The following CPSF2 variants were observed in gnomAD, a reference collection of about 807,000 sequenced individuals.
CPSF2 encodes the protein cleavage and polyadenylation specific factor 2.
In CPSF2, 51 loss-of-function variants were observed where a neutral mutation model predicts 84.2. That is an observed-to-expected ratio of 0.61 (90% CI 0.48 to 0.77). CPSF2 has a LOEUF of 0.77. Among genes scored for constraint, CPSF2 ranks in the 30% least tolerant of loss-of-function variants. CPSF2 has a pLI of 0.00. For synonymous variants in CPSF2, 286 were observed against 311.9 expected (o/e 0.92, Z 0.87); for missense variants, 641 against 929.4 (o/e 0.69, Z 4.03).
At chr14:92,154,298 T>C in intron 9 of CPSF2, 60 bp from the exon 10 acceptor site, 3 of 1,225,128 alleles carry the variant, frequency 2.4e-6, no homozygotes, top group South Asian at 1.5e-5. Context: ...CATATCCCAC[T>C]GCTTTAACCC....
In CPSF2 at chr14:92,163,237, T is replaced by A. The variant is rs1225723838; in HGVS notation, c.*1493T>A. 1 of 152,210 alleles carries A rather than the reference T, an allele frequency of 6.6e-6. No individual in the cohort carries two copies. Among genetic ancestry groups the A allele is most frequent in the Non-Finnish European group, 1.5e-5 (1 of 68,038 alleles). 9.4% of individuals were successfully genotyped at this position (152,210 alleles called of 1,614,324 possible). A position where few individuals can be genotyped will look rare whatever the true frequency, so the allele number is the denominator to read the frequency against. On this transcript the variant is annotated 3_prime_UTR_variant, in exon 16 of 16. Transcript: ENST00000298875. ...GATTTTTGGAAGGATCGATCTTATT[T>A]AACTATGTGTGGAACAACCCAGTAA... is the stretch of plus-strand genomic sequence containing the variant.
chr14:92,156,055 C>T (rs1452244741), intron 11 of CPSF2, among the ~76,000 whole-genome samples: 6 of 152,048 alleles, frequency 3.9e-5, no homozygotes, highest in East Asian at 1.9e-4. Context: ...TTTGGGAGGC[C>T]GAGGCAGGTG....
At position 92,134,251 on chromosome 14, in the gene CPSF2, C is replaced by T; in HGVS notation, c.311C>T (p.Ser104Phe). 6.2e-7 allele frequency: 1 copy of T among 1,612,584 alleles called. No homozygotes were observed. The change falls in exon 5 of 16, where the codon TCT (serine) becomes TTT (phenylalanine). Residue 104 changes from serine (S) to phenylalanine (F), a missense_variant and splice_region_variant. By Grantham distance (155) the Ser-to-Phe change is radical. Coordinates refer to ENST00000298875, the MANE Select transcript of CPSF2 (RefSeq NM_017437.3). Reference protein sequence around the residue: ...GQMFMYDLYQSRHNTEDFTLF... With the variant: ...GQMFMYDLYQFRHNTEDFTLF... ...CCTTTATTTGTGTTATTCTTTTAGT[C>T]TCGACACAATACAGAAGATTTTACA... is the stretch of plus-strand genomic sequence containing the variant.
Position 92,164,886 on chromosome 14 carries a change from T to G in CPSF2, c.*3142T>G, listed in dbSNP as rs1567029653. On this transcript the variant is annotated 3_prime_UTR_variant, in exon 16 of 16. Transcript: ENST00000298875. ...ACCACTATATAATCCCAGAACACTT[T>G]CATCACTCCAAAAAGAAACACCATA... is the stretch of plus-strand genomic sequence containing the variant. The G allele has an allele frequency of 6.6e-6, 1 of 152,212 alleles. No homozygotes were observed. Among genetic ancestry groups the G allele is most frequent in the Admixed American group, 6.5e-5 (1 of 15,278 alleles). The allele number at this position is 152,212 out of a possible 1,614,324, so 9.4% of individuals were successfully genotyped here.
chr14:92,132,297 C>A (rs1182206375), intron 3 of CPSF2, among the ~76,000 whole-genome samples: 1 of 151,668 alleles, frequency 6.6e-6, no homozygotes, highest in Non-Finnish European at 1.5e-5. Context: ...ACCCGGCCGG[C>A]TAAGTTTTTG....
At chr14:92,141,232 C>T (rs961088853) in intron 7 of CPSF2, among the ~76,000 whole-genome samples, 1 of 151,716 alleles carries the variant, frequency 6.6e-6, no homozygotes, top group African/African-American at 2.4e-5. Flanking sequence ...TAAAAAAAAA[C>T]AGTGTAACAA....
Position 92,156,585 on chromosome 14 carries a change from G to C in CPSF2, c.1549G>C (p.Asp517His). 2 of 1,608,872 alleles carry C rather than the reference G, an allele frequency of 1.2e-6. No homozygotes were observed. Among genetic ancestry groups the C allele is most frequent in the Non-Finnish European group, 1.7e-6 (2 of 1,176,552 alleles). Reference sequence around the variant, plus strand: ...TGAACCTATGGATCAGGATTTATCTGATGTTCCTACTAAATGTATTTCTAC... The same window carrying C: ...TGAACCTATGGATCAGGATTTATCTCATGTTCCTACTAAATGTATTTCTAC... The part of the protein sequence containing the change: ...GDEPMDQDLS[D>H]VPTKCISTTE... Residue 517 changes from aspartate (D) to histidine (H), a missense_variant, in exon 12 of 16, where the codon GAT becomes CAT. This residue lies in a region of CPSF2 where 430 missense variants were observed against 553.6 expected (regional missense o/e 0.78). Transcript: ENST00000298875.
chr14:92,141,263 C>G (rs1463006938), intron 7 of CPSF2, among the ~76,000 whole-genome samples: 10 of 152,118 alleles, frequency 6.6e-5, no homozygotes, highest in African/African-American at 1.2e-4. Flanking sequence ...AGCATGTACA[C>G]TGTATTAGGT....
intron 7 of CPSF2, among the ~76,000 whole-genome samples, chr14:92,141,593 G>T (rs1362401107): frequency 1.3e-5 from 2 of 152,144 alleles, no homozygotes; most frequent in African/African-American, 4.8e-5. Flanking sequence ...TTCCCAAACT[G>T]CTGGGATTAC....
At chr14:92,146,633 A>T (rs895562589) in intron 9 of CPSF2, among the ~76,000 whole-genome samples, 2 of 152,206 alleles carry the variant, frequency 1.3e-5, no homozygotes, top group Non-Finnish European at 2.9e-5. Flanking sequence ...AAACTTTTTC[A>T]TGTAGCAAAA....
rs537750648 is a variant in CPSF2 at position 92,140,193 on chromosome 14, C to G, written c.661+1846C>G. On this transcript the variant is annotated intron_variant, in intron 7 of 15. Coordinates refer to ENST00000298875, the MANE Select transcript of CPSF2 (RefSeq NM_017437.3). ...GGTCTTGATCTCTTGACCTTGTGAT[C>G]CGCCCACCTCGGCCTCCCAAAGTGC... is the stretch of plus-strand genomic sequence containing the variant. 4.0e-3 allele frequency among the ~76,000 whole-genome samples: 612 copies of G among 151,846 alleles called. 4 individuals carry two copies. Among genetic ancestry groups the G allele is most frequent in the African/African-American group, 0.014 (590 of 41,402 alleles).
rs572824242 is a variant in CPSF2 at position 92,146,394 on chromosome 14, G to A, written c.1140+3100G>A. Among the ~76,000 whole-genome samples, 5 of 152,206 alleles carry A rather than the reference G, an allele frequency of 3.3e-5. No individual in the cohort carries two copies. The South Asian group carries it at 6.2e-4, about 19-fold the overall frequency. On this transcript the variant is annotated intron_variant, in intron 9 of 15. Transcript: ENST00000298875. Reference sequence around the variant, plus strand: ...AAATTAGCCTGGCGTGGTGGTGGGCGCCTGTAATCCCAGCTACTCGGGAGG... The same window carrying A: ...AAATTAGCCTGGCGTGGTGGTGGGCACCTGTAATCCCAGCTACTCGGGAGG...
chr14:92,155,632 T>C (rs2069279464), intron 11 of CPSF2, among the ~76,000 whole-genome samples: 1 of 152,064 alleles, frequency 6.6e-6, no homozygotes, highest in Non-Finnish European at 1.5e-5. Flanking sequence ...AGATGTAGGA[T>C]AGGAAGAACT....
At chr14:92,143,531 AC>A (rs996751346) in intron 9 of CPSF2, among the ~76,000 whole-genome samples, 1 of 150,374 alleles carries the variant, frequency 6.7e-6, no homozygotes. Context: ...GCCAAGACCC[AC>A]CCCCCATCTC....
At chr14:92,131,273 T>A in intron 3 of CPSF2, 140 bp downstream of exon 3, 1 of 592,430 alleles carries the variant, frequency 1.7e-6, no homozygotes, top group Non-Finnish European at 2.7e-6. Context: ...GCCAAAAACC[T>A]ATAGTGACAT....
rs1185257971 is a variant in CPSF2 at position 92,167,614 on chromosome 14, T to G, written c.*5870T>G. The stretch of plus-strand genomic sequence containing the variant: ...TTCCCTAGTGTACATTCACTTTGCT[T>G]AGGAGTGATATGTTCAGTTTATCTT... On this transcript the variant is annotated 3_prime_UTR_variant, in exon 16 of 16. Coordinates refer to ENST00000298875, the MANE Select transcript of CPSF2 (RefSeq NM_017437.3). The G allele has an allele frequency of 6.7e-6, 1 of 148,270 alleles. No homozygotes were observed. The highest frequency in any genetic ancestry group is 1.5e-5 in the Non-Finnish European group (1 of 66,896). 9.2% of individuals were successfully genotyped at this position (148,270 alleles called of 1,614,324 possible).
chr14:92,161,353 T>G, intron 15 of CPSF2, 107 bp downstream of exon 15: 2 of 1,298,494 alleles, frequency 1.5e-6, no homozygotes, highest in Non-Finnish European at 2.1e-6. Context: ...TGAAGATCAG[T>G]AATTTATATT....
chr14:92,138,361 C>G lies in CPSF2; in HGVS notation c.661+14C>G, dbSNP rs117471377. The stretch of plus-strand genomic sequence containing the variant: ...AGCAGCTTCTGAGTACGTATTCTTT[C>G]ACGTCCTTATTATTATTATTATTTT... On this transcript the variant is annotated intron_variant, in intron 7 of 15. Coordinates refer to ENST00000298875, the MANE Select transcript of CPSF2 (RefSeq NM_017437.3). 5.1e-5 allele frequency: 64 copies of G among 1,255,000 alleles called. No individual in the cohort carries two copies. In the African/African-American group the frequency reaches 9.1e-4, roughly 18 times the overall value. 77.7% of individuals were successfully genotyped at this position (1,255,000 alleles called of 1,614,324 possible).
chr14:92,153,085 C>T (rs1208460811), intron 9 of CPSF2, among the ~76,000 whole-genome samples: 1 of 100,342 alleles, frequency 1.0e-5, no homozygotes, highest in African/African-American at 3.7e-5. Flanking sequence ...TAGATGTTAG[C>T]AAATTGCCTT....
Sources: allele counts gnomAD v4.1 joint callset (sites outside exome capture counted in the v4.1 genomes callset), GRCh38; gene constraint gnomAD v4.1.1; regional missense constraint gnomAD v4.1.1; transcripts MANE v1.5; gene names NCBI Gene and HGNC (gene_info 2026-07-23, HGNC 2026-07-21).